Variants in PAPPA2 observed in about 807,000 individuals in gnomAD.
PAPPA2 encodes the protein pappalysin-2.
Under a neutral mutation model 176.4 loss-of-function variants are expected in PAPPA2, and 86 were observed. The observed-to-expected ratio is 0.49, with a 90% confidence interval of 0.41 to 0.58. The LOEUF (loss-of-function observed/expected upper bound fraction) is 0.58, where lower values mean the gene tolerates loss of function less well. Ranked by LOEUF, PAPPA2 falls within the 20% of genes least tolerant of loss-of-function variation. The pLI is 0.00. For missense variants in PAPPA2, 2,073 were observed against 2,256.9 expected (o/e 0.92, Z 1.65); for synonymous variants, 809 against 852.2 (o/e 0.95, Z 0.88).
chr1:176,631,147 C>G (rs1392236630), intron 3 of PAPPA2, among the ~76,000 whole-genome samples: 2 of 152,108 alleles, frequency 1.3e-5, no homozygotes, highest in African/African-American at 4.8e-5. Flanking sequence ...GAGAATTTCT[C>G]AAATGAGTAT....
intron 12 of PAPPA2, among the ~76,000 whole-genome samples, chr1:176,723,125 G>C (rs1442210186): frequency 6.6e-6 from 1 of 152,106 alleles, no homozygotes; most frequent in Non-Finnish European, 1.5e-5. Context: ...GTGAGACAGA[G>C]CTCACTTTTA....
At chr1:176,612,377 G>A (rs1654979744) in intron 3 of PAPPA2, among the ~76,000 whole-genome samples, 1 of 151,848 alleles carries the variant, frequency 6.6e-6, no homozygotes, top group African/African-American at 2.4e-5. Flanking sequence ...CTGGGTGACG[G>A]AGCGAGACCC....
At chr1:176,597,632 A>T (rs1240661669) in intron 3 of PAPPA2, among the ~76,000 whole-genome samples, 1 of 152,168 alleles carries the variant, frequency 6.6e-6, no homozygotes, top group African/African-American at 2.4e-5. Context: ...GTGTGTACCT[A>T]TGTAACAAAC....
In PAPPA2 at chr1:176,842,590, A is replaced by G. The variant is rs1347351518; in HGVS notation, c.*136A>G. Reference sequence around the variant, plus strand: ...GAGGAAGAGCATGAAGGATCTTATAAGAAATGCAAGAGGATATTGATAGGT... The same window carrying G: ...GAGGAAGAGCATGAAGGATCTTATAGGAAATGCAAGAGGATATTGATAGGT... On this transcript the variant is annotated 3_prime_UTR_variant, in exon 23 of 23. Coordinates refer to ENST00000367662, the MANE Select transcript of PAPPA2 (RefSeq NM_020318.3). 3.7e-6 allele frequency: 3 copies of G among 804,870 alleles called. No individual in the cohort carries two copies. The highest frequency in any genetic ancestry group is 4.0e-6 in the Non-Finnish European group (2 of 502,474). 49.9% of individuals were successfully genotyped at this position (804,870 alleles called of 1,614,324 possible).
At chr1:176,489,009 G>A (rs1652776424) in intron 1 of PAPPA2, among the ~76,000 whole-genome samples, 2 of 152,120 alleles carry the variant, frequency 1.3e-5, no homozygotes, top group Admixed American at 1.3e-4. Context: ...TAAGGTTGGG[G>A]TACATGCTGT....
At chr1:176,702,434 T>C (rs895145582) in intron 8 of PAPPA2, among the ~76,000 whole-genome samples, 173 bp from the exon 9 acceptor site, 11 of 152,244 alleles carry the variant, frequency 7.2e-5, no homozygotes, top group Admixed American at 6.5e-5. Flanking sequence ...GTTTCAAACC[T>C]TCTGGTGCTC....
chr1:176,580,381 A>G (rs932668929), intron 2 of PAPPA2, among the ~76,000 whole-genome samples: 2 of 152,196 alleles, frequency 1.3e-5, no homozygotes, highest in Admixed American at 6.5e-5. Flanking sequence ...TTGTGTTTAT[A>G]TACTGCATCT....
At chr1:176,699,929 T>C (rs1660569945) in intron 8 of PAPPA2, among the ~76,000 whole-genome samples, 2 of 152,224 alleles carry the variant, frequency 1.3e-5, no homozygotes, top group South Asian at 4.1e-4. Flanking sequence ...TTGCTTTAGC[T>C]GTCTGATCAT....
At chr1:176,702,575 TGTAGTGGTCA>T in intron 8 of PAPPA2, 22 bp from the exon 9 acceptor site, 1 of 1,611,236 alleles carries the variant, frequency 6.2e-7, no homozygotes, top group Non-Finnish European at 8.5e-7. Flanking sequence ...ACTTTGTGGC[TGTAGTGGTCA>T]CAAACCCTTT....
At chr1:176,744,680 G>A (rs1360448267) in intron 14 of PAPPA2, among the ~76,000 whole-genome samples, 1 of 152,146 alleles carries the variant, frequency 6.6e-6, no homozygotes, top group African/African-American at 2.4e-5. Context: ...CGTCTTTACA[G>A]GGGCCAGGAA....
At chr1:176,661,844 A>G (rs1658377008) in intron 3 of PAPPA2, among the ~76,000 whole-genome samples, 1 of 152,104 alleles carries the variant, frequency 6.6e-6, no homozygotes, top group African/African-American at 2.4e-5. Flanking sequence ...TTATGTGCAG[A>G]CTAATGCACA....
At chr1:176,712,171 T>TG (rs1661178614) in intron 12 of PAPPA2, among the ~76,000 whole-genome samples, 190 bp downstream of exon 12, 1 of 152,160 alleles carries the variant, frequency 6.6e-6, no homozygotes, top group African/African-American at 2.4e-5. Flanking sequence ...TGTTAATACA[T>TG]GAGTAATCAG....
chr1:176,481,275 C>T (rs1251064265), intron 1 of PAPPA2, among the ~76,000 whole-genome samples: 1 of 116,044 alleles, frequency 8.6e-6, no homozygotes, highest in East Asian at 1.9e-4. Context: ...CACACACACA[C>T]ACACACACAC....
At chr1:176,666,812 A>C (rs1292427233) in intron 3 of PAPPA2, among the ~76,000 whole-genome samples, 3 of 152,170 alleles carry the variant, frequency 2.0e-5, no homozygotes, top group Non-Finnish European at 4.4e-5. Flanking sequence ...TAAACAATTA[A>C]AAGTACAGAC....
intron 12 of PAPPA2, among the ~76,000 whole-genome samples, chr1:176,726,032 G>A (rs1236541223): frequency 1.3e-5 from 2 of 152,062 alleles, no homozygotes; most frequent in Admixed American, 6.6e-5. Context: ...CGCCCGCCTC[G>A]GCCTCCCAAA....
intron 1 of PAPPA2, among the ~76,000 whole-genome samples, chr1:176,474,461 G>C (rs1054468529): frequency 6.6e-6 from 1 of 152,336 alleles, no homozygotes; most frequent in East Asian, 1.9e-4. Context: ...TAGGAAATGA[G>C]CTGGATGTTT....
At chr1:176,792,854 A>G (rs934056789) in intron 19 of PAPPA2, among the ~76,000 whole-genome samples, 28 of 152,160 alleles carry the variant, frequency 1.8e-4, no homozygotes, top group Admixed American at 6.5e-5. Flanking sequence ...TTTTCTCTTA[A>G]TATAATTTTA....
rs1419744359 is a variant in PAPPA2, at chr1:176,556,571, C to A, written c.249C>A (p.Pro83=). ...SRAGNYLRPY[P]VGEQEIHHTG... Reference sequence around the variant, plus strand: ...CTGGGAACTACCTAAGGCCCTACCCCGTGGGGGAGCAAGAAATCCATCATA... The same window carrying A: ...CTGGGAACTACCTAAGGCCCTACCCAGTGGGGGAGCAAGAAATCCATCATA... Residue 83 remains proline, a synonymous_variant, in exon 2 of 23, where the codon CCC becomes CCA. Transcript: ENST00000367662. 6.2e-7 allele frequency: 1 copy of A among 1,614,076 alleles called. No individual in the cohort carries two copies. Among genetic ancestry groups the A allele is most frequent in the African/African-American group, 1.3e-5 (1 of 74,930 alleles).
intron 3 of PAPPA2, among the ~76,000 whole-genome samples, chr1:176,663,305 C>T (rs1658453593): frequency 6.6e-6 from 1 of 152,154 alleles, no homozygotes; most frequent in Admixed American, 6.5e-5. Flanking sequence ...TGCATTGTGG[C>T]ATTGCCTCCA....
Sources: gnomAD v4.1 joint callset for allele counts (sites outside exome capture counted in the v4.1 genomes callset) on GRCh38, gnomAD v4.1.1 for gene constraint, MANE v1.5 for transcripts, NCBI Gene and HGNC (gene_info 2026-07-23, HGNC 2026-07-21) for gene names.